The following ZER1 variants were observed in gnomAD, a reference collection of about 807,000 sequenced individuals.
The protein encoded by ZER1 is zyg-11 related cell cycle regulator.
ZER1 carries 11 observed loss-of-function variants against 78.8 expected under a neutral mutation model. The ratio of observed to expected loss-of-function variants is 0.14; its 90% CI spans 0.09 to 0.23. ZER1 has a LOEUF of 0.23. ZER1 is among the 10% of genes least tolerant of loss of function. The probability of loss-of-function intolerance (pLI) is 1.00; values close to 1 mark genes in which losing one functional copy is unlikely to be tolerated. For synonymous variants in ZER1, 400 were observed against 407.0 expected, an observed-to-expected ratio of 0.98 and a Z score of 0.21; for missense variants, 588 against 996.9, an observed-to-expected ratio of 0.59 and a Z score of 5.52.
chr9:128,769,857 C>A (rs1354022860), intron 1 of ZER1, among the ~76,000 whole-genome samples: 1 of 152,170 alleles, frequency 6.6e-6, no homozygotes, highest in East Asian at 1.9e-4. Flanking sequence ...ATGGTCATTA[C>A]AAAGATGGAA....
rs758733627 is a variant in ZER1 at position 128,741,496 on chromosome 9, G to A, written c.1737+39C>T. On this transcript the variant is annotated intron_variant, in intron 11 of 15. Transcript: ENST00000291900. The stretch of plus-strand genomic sequence containing the variant: ...TAGGGACAGAAGAGGGGCCATGTGG[G>A]CAGCTGAGGCAGCTGCTGCTGCAGG... 9.9e-6 allele frequency: 16 copies of A among 1,613,740 alleles called. No homozygotes were observed. In the East Asian group the frequency reaches 3.3e-4, roughly 34 times the overall value.
rs879162945 is a variant in ZER1, at chr9:128,753,641, C to T, written c.310-41G>A. On this transcript the variant is annotated intron_variant, in intron 3 of 15. Coordinates refer to ENST00000291900, the MANE Select transcript of ZER1 (RefSeq NM_006336.4). The surrounding 1 kb of genome is among the most constrained non-coding windows in gnomAD (Gnocchi z 7.5). The stretch of plus-strand genomic sequence containing the variant: ...GCTCCATCATCATCACCACCCTTGC[C>T]CCTTCCCCCGGCCCCAGGCCTTGCC... 4 of 1,598,616 alleles carry T rather than the reference C, an allele frequency of 2.5e-6. No homozygotes were observed. Among genetic ancestry groups the T allele is most frequent in the Non-Finnish European group, 8.5e-7 (1 of 1,171,712 alleles).
At chr9:128,768,004 G>A (rs754495280) in intron 1 of ZER1, among the ~76,000 whole-genome samples, 11 of 152,180 alleles carry the variant, frequency 7.2e-5, no homozygotes, top group Non-Finnish European at 7.4e-5. Context: ...AGTGGCACAC[G>A]CTGTGTTGCG....
In ZER1 at chr9:128,740,636, T is replaced by A; in HGVS notation, c.1853+136A>T. The A allele has an allele frequency of 1.7e-6, 1 of 582,680 alleles. No homozygotes were observed. The allele number at this position is 582,680 out of a possible 1,614,324, so 36.1% of individuals were successfully genotyped here. A position where few individuals can be genotyped will look rare whatever the true frequency, so the allele number is the denominator to read the frequency against. On this transcript the variant is annotated intron_variant, in intron 12 of 15. Coordinates refer to ENST00000291900, the MANE Select transcript of ZER1 (RefSeq NM_006336.4). The surrounding 1 kb of genome is among the most constrained non-coding windows in gnomAD (Gnocchi z 4.4). ...GACCACTTACGAAGGATTGAATGAA[T>A]AAGAAACCACATTATCGAGGGAAAA...
At chr9:128,758,923 A>G (rs752579424) in intron 1 of ZER1, among the ~76,000 whole-genome samples, 1 of 152,010 alleles carries the variant, frequency 6.6e-6, no homozygotes, top group Non-Finnish European at 1.5e-5. Flanking sequence ...TGATCAGAGT[A>G]CTGGGTATCC....
rs1863782418 is a variant in ZER1, at chr9:128,754,152, G to GGCA, written c.159-196_159-194dup. Reference sequence around the variant, plus strand: ...GGTGCCCAGGAACCAGGAATCTAAAGGCAGCTCTCTGGGAGACCTTCTAGG... The same window carrying GGCA: ...GGTGCCCAGGAACCAGGAATCTAAAGGCAGCAGCTCTCTGGGAGACCTTCTAGG... On this transcript the variant is annotated intron_variant, in intron 2 of 15. Coordinates refer to ENST00000291900, the MANE Select transcript of ZER1 (RefSeq NM_006336.4). This position sits in a 1 kb window ranked among gnomAD's most constrained non-coding sequence, Gnocchi z 4.3. Among the ~76,000 whole-genome samples the GGCA allele has an allele frequency of 6.6e-6, 1 of 152,190 alleles. No individual in the cohort carries two copies. The highest frequency in any genetic ancestry group is 2.4e-5 in the African/African-American group (1 of 41,454).
intron 10 of ZER1, 59 bp downstream of exon 10, chr9:128,741,741 G>T (rs1420204156): frequency 6.2e-7 from 1 of 1,614,100 alleles, no homozygotes; most frequent in Admixed American, 1.7e-5. Context: ...CCCAGGGGCA[G>T]CCCAGGCCCC....
At chr9:128,752,081 C>G (rs1293680868) in intron 5 of ZER1, among the ~76,000 whole-genome samples, 1 of 152,212 alleles carries the variant, frequency 6.6e-6, no homozygotes, top group African/African-American at 2.4e-5. Flanking sequence ...GTTCCCTCTG[C>G]TAGAACACGC....
chr9:128,746,666 A>G (rs1863502767), intron 8 of ZER1, among the ~76,000 whole-genome samples: 1 of 149,620 alleles, frequency 6.7e-6, no homozygotes, highest in Non-Finnish European at 1.5e-5. Flanking sequence ...ACAGAGTTTC[A>G]CTCTCGTCAC....
Position 128,753,866 on chromosome 9 carries a change from C to G in ZER1, c.252G>C (p.Arg84=). The change falls in exon 3 of 16, where the codon CGG becomes CGC. Residue 84 remains arginine, a synonymous_variant. Transcript: ENST00000291900. This position sits in a 1 kb window ranked among gnomAD's most constrained non-coding sequence, Gnocchi z 7.5. ...GCACCAGGTCCTCACGGAGGTGGAT[C>G]CGCGTGAGGCGGGTGCTGCGGGGGT... The part of the protein sequence containing the change: ...FSDPRSTRLT[R]IHLREDLVQD... 1 of 1,603,424 alleles carries G rather than the reference C, an allele frequency of 6.2e-7. No individual in the cohort carries two copies. Among genetic ancestry groups the G allele is most frequent in the Non-Finnish European group, 8.5e-7 (1 of 1,175,578 alleles).
intron 1 of ZER1, among the ~76,000 whole-genome samples, chr9:128,756,914 A>C (rs1390572206): frequency 6.6e-6 from 1 of 152,220 alleles, no homozygotes; most frequent in Non-Finnish European, 1.5e-5. Context: ...GTTATTTAAA[A>C]AAGTGAAGTC....
At chr9:128,741,876 G>A in intron 9 of ZER1, 35 bp from the exon 10 acceptor site, 1 of 1,614,124 alleles carries the variant, frequency 6.2e-7, no homozygotes, top group Non-Finnish European at 8.5e-7. Context: ...TAGAGTGCTG[G>A]GGCTGAAGAA....
Position 128,753,287 on chromosome 9 carries a change from CCT to C in ZER1, c.621_622del (p.Gly208HisfsTer102). The C allele has an allele frequency of 6.2e-7, 1 of 1,610,374 alleles. No individual in the cohort carries two copies. On this transcript the variant is annotated frameshift_variant, in exon 4 of 16. Coordinates refer to ENST00000291900, the MANE Select transcript of ZER1 (RefSeq NM_006336.4). LOFTEE classifies it high-confidence loss of function. This position sits in a 1 kb window ranked among gnomAD's most constrained non-coding sequence, Gnocchi z 7.5. Reference sequence around the variant, plus strand: ...GAAGGCGGCGTCGCTCGTCTGAATGCCTGAGAGGTCCAAGGCAGCCAGGGAGT... The same window carrying C: ...GAAGGCGGCGTCGCTCGTCTGAATGCGAGAGGTCCAAGGCAGCCAGGGAGT...
chr9:128,752,982 G>A (rs1163984213), intron 4 of ZER1, 133 bp from the exon 5 acceptor site: 9 of 1,319,828 alleles, frequency 6.8e-6, no homozygotes, highest in Non-Finnish European at 8.3e-6. Flanking sequence ...ATTCTGGGAA[G>A]AAACCCCAAA....
At chr9:128,735,630 A>G (rs1276223719) in intron 13 of ZER1, among the ~76,000 whole-genome samples, 199 bp from the exon 14 acceptor site, 2 of 152,138 alleles carry the variant, frequency 1.3e-5, no homozygotes, top group Admixed American at 6.5e-5. Context: ...ATAAAGGCAC[A>G]AGCACATGAG....
At chr9:128,752,493 G>T (rs1321746725) in intron 5 of ZER1, among the ~76,000 whole-genome samples, 180 bp downstream of exon 5, 1 of 152,162 alleles carries the variant, frequency 6.6e-6, no homozygotes, top group Admixed American at 6.6e-5. Context: ...GCTAAATTTT[G>T]TATTTTTAGT....
At chr9:128,765,212 TACACACACACACACACAC>T (rs60923356) in intron 1 of ZER1, among the ~76,000 whole-genome samples, 92 of 149,798 alleles carry the variant, frequency 6.1e-4, no homozygotes, top group African/African-American at 2.2e-3. Context: ...CATGCACATG[TACACACACACACACACAC>T]ACACACACAC....
intron 13 of ZER1, among the ~76,000 whole-genome samples, chr9:128,736,041 C>G (rs1023513632): frequency 2.0e-5 from 3 of 151,010 alleles, no homozygotes; most frequent in African/African-American, 7.3e-5. Context: ...CTCCGCCTCC[C>G]TGGTTCACGC....
intron 1 of ZER1, among the ~76,000 whole-genome samples, chr9:128,759,068 C>T (rs1863956388): frequency 6.6e-6 from 1 of 151,682 alleles, no homozygotes; most frequent in African/African-American, 2.4e-5. Context: ...GCGATCTCGG[C>T]TCACTGCAAC....
Sources: allele counts gnomAD v4.1 joint callset (sites outside exome capture counted in the v4.1 genomes callset), GRCh38; gene constraint gnomAD v4.1.1; non-coding constraint Gnocchi (gnomAD v3.1); transcripts MANE v1.5; gene names NCBI Gene and HGNC (gene_info 2026-07-23, HGNC 2026-07-21).